The following CNTN3 variants were observed in gnomAD, a reference collection of about 807,000 sequenced individuals.
CNTN3 encodes the protein contactin-3.
In CNTN3, 60 loss-of-function variants were observed where a neutral mutation model predicts 119.1. That is an observed-to-expected ratio of 0.50 (90% CI 0.41 to 0.62). The LOEUF is 0.62. Ranked by LOEUF, CNTN3 falls within the 20% of genes least tolerant of loss-of-function variation. The probability of loss-of-function intolerance (pLI) is 0.00; values close to 1 mark genes in which losing one functional copy is unlikely to be tolerated. For missense variants in CNTN3, 1,101 were observed against 1,242.4 expected (o/e 0.89, Z 1.71); for synonymous variants, 450 against 438.7 (o/e 1.03, Z -0.32).
intron 20 of CNTN3, among the ~76,000 whole-genome samples, chr3:74,279,157 G>A (rs1701942258): frequency 6.6e-6 from 1 of 152,146 alleles, no homozygotes; most frequent in South Asian, 2.1e-4. Flanking sequence ...CTACACTGCT[G>A]GTGGAAATGC....
At chr3:74,267,603 T>C (rs956814363) in intron 20 of CNTN3, 2 of 458,296 alleles carry the variant, frequency 4.4e-6, no homozygotes, top group Middle Eastern at 1.2e-3. Context: ...ACGTAATTTA[T>C]TCATGTAACA....
rs974993498 is a variant in CNTN3, at chr3:74,282,968, C to G, written c.2704+2337G>C. On this transcript the variant is annotated intron_variant, in intron 20 of 22. Coordinates refer to ENST00000263665, the MANE Select transcript of CNTN3 (RefSeq NM_020872.3). The stretch of plus-strand genomic sequence containing the variant: ...CAACCTAAAGACTCTAGATGAACTC[C>G]AGTTGAATAATAGCAGAACATTGTT... Among the ~76,000 whole-genome samples the G allele has an allele frequency of 2.6e-5, 4 of 152,156 alleles. No homozygotes were observed. The East Asian group carries it at 5.8e-4, about 22-fold the overall frequency.
chr3:74,605,569 G>A (rs534319670), intron 1 of CNTN3, among the ~76,000 whole-genome samples: 44 of 152,146 alleles, frequency 2.9e-4, no homozygotes, highest in African/African-American at 1.0e-3. Flanking sequence ...AGTTTTGCCC[G>A]GAGCCATTCG....
intron 5 of CNTN3, among the ~76,000 whole-genome samples, chr3:74,378,013 A>T (rs546527665): frequency 1.3e-5 from 2 of 152,334 alleles, no homozygotes; most frequent in South Asian, 4.1e-4. Flanking sequence ...GTTAGGCAAA[A>T]TTTAAAAGTA....
At chr3:74,430,990 T>C (rs1025997229) in intron 4 of CNTN3, among the ~76,000 whole-genome samples, 2 of 152,142 alleles carry the variant, frequency 1.3e-5, no homozygotes, top group African/African-American at 2.4e-5. Flanking sequence ...ATGGGGCCAG[T>C]ATCTCCGAAG....
intron 20 of CNTN3, among the ~76,000 whole-genome samples, chr3:74,274,241 G>A (rs1701837925): frequency 1.3e-5 from 2 of 151,950 alleles, no homozygotes; most frequent in Admixed American, 6.6e-5. Context: ...AACACAAAAG[G>A]CATATACTCT....
chr3:74,325,608 G>A (rs557868069), intron 13 of CNTN3, among the ~76,000 whole-genome samples: 1 of 152,196 alleles, frequency 6.6e-6, no homozygotes, highest in Non-Finnish European at 1.5e-5. Context: ...CAGCTTTCCT[G>A]GGGAACAATT....
chr3:74,466,543 T>C (rs1702464022), intron 4 of CNTN3, among the ~76,000 whole-genome samples: 1 of 152,208 alleles, frequency 6.6e-6, no homozygotes, highest in Non-Finnish European at 1.5e-5. Context: ...ATTATATGTC[T>C]TCTCATTAAT....
intron 18 of CNTN3, among the ~76,000 whole-genome samples, chr3:74,297,555 TGCTCAGTAAATCA>T (rs1369744713): frequency 2.0e-5 from 3 of 152,218 alleles, no homozygotes; most frequent in Non-Finnish European, 4.4e-5. Flanking sequence ...TTAGGTCTCC[TGCTCAGTAAATCA>T]GCACTTTACA....
At chr3:74,538,961 CAT>C (rs1451059399) in intron 1 of CNTN3, among the ~76,000 whole-genome samples, 1 of 151,966 alleles carries the variant, frequency 6.6e-6, no homozygotes, top group Non-Finnish European at 1.5e-5. Context: ...CTTTCAAAAA[CAT>C]ATTAAATGTC....
chr3:74,393,262 G>T, intron 5 of CNTN3, among the ~76,000 whole-genome samples: 1 of 152,124 alleles, frequency 6.6e-6, no homozygotes, highest in East Asian at 1.9e-4. Flanking sequence ...GGAGGTCTGT[G>T]TCTGAGAACA....
intron 11 of CNTN3, among the ~76,000 whole-genome samples, chr3:74,349,295 T>C (rs906536467): frequency 6.6e-6 from 1 of 152,144 alleles, no homozygotes; most frequent in African/African-American, 2.4e-5. Flanking sequence ...CATAATACAC[T>C]GTGTTAAATG....
In CNTN3 at chr3:74,521,092, C is replaced by T. The variant is rs750414792; in HGVS notation, c.21G>A (p.Gln7=). 2 of 1,600,416 alleles carry T rather than the reference C, an allele frequency of 1.2e-6. No homozygotes were observed. The highest frequency in any genetic ancestry group is 8.5e-7 in the Non-Finnish European group (1 of 1,172,520). MMFPWK[Q]LILLSFIGCL... ...AGCCAATGAATGAAAGCAGGATCAA[C>T]TGTTTCCATGGAAACATCATCTTTA... The change falls in exon 2 of 23, where the codon CAG becomes CAA. Residue 7 remains glutamine, a synonymous_variant. Coordinates refer to ENST00000263665, the MANE Select transcript of CNTN3 (RefSeq NM_020872.3).
intron 3 of CNTN3, among the ~76,000 whole-genome samples, chr3:74,496,437 C>T (rs760489174): frequency 2.0e-5 from 3 of 152,040 alleles, no homozygotes; most frequent in Non-Finnish European, 4.4e-5. Flanking sequence ...TAGACAGTTT[C>T]CAGTCATTAT....
intron 5 of CNTN3, among the ~76,000 whole-genome samples, chr3:74,375,123 T>A (rs1217698529): frequency 6.6e-6 from 1 of 152,150 alleles, no homozygotes; most frequent in Non-Finnish European, 1.5e-5. Flanking sequence ...AACTGAATAA[T>A]CCAATGATCT....
chr3:74,477,457 A>G (rs1702678760), intron 4 of CNTN3, among the ~76,000 whole-genome samples: 1 of 152,176 alleles, frequency 6.6e-6, no homozygotes, highest in Non-Finnish European at 1.5e-5. Flanking sequence ...AAAGATACAG[A>G]TCCTGACATC....
intron 4 of CNTN3, among the ~76,000 whole-genome samples, chr3:74,447,143 T>C (rs1326376575): frequency 6.6e-6 from 1 of 152,152 alleles, no homozygotes; most frequent in Non-Finnish European, 1.5e-5. Flanking sequence ...ATTGCAAGGC[T>C]GGTGACAGTG....
At chr3:74,300,016 T>C in intron 16 of CNTN3, 78 bp from the exon 17 acceptor site, 2 of 872,186 alleles carry the variant, frequency 2.3e-6, no homozygotes, top group South Asian at 2.5e-5. Context: ...GCAATGTTTT[T>C]TTAATATTTA....
intron 18 of CNTN3, among the ~76,000 whole-genome samples, chr3:74,296,738 A>G (rs996445156): frequency 6.6e-6 from 1 of 152,068 alleles, no homozygotes; most frequent in African/African-American, 2.4e-5. Flanking sequence ...CAAATTTATT[A>G]CTCTCTTTCA....
Sources: allele counts gnomAD v4.1 joint callset (sites outside exome capture counted in the v4.1 genomes callset), GRCh38; gene constraint gnomAD v4.1.1; transcripts MANE v1.5; gene names NCBI Gene and HGNC (gene_info 2026-07-23, HGNC 2026-07-21).